GLRA2: variants seen among roughly 807,000 people sequenced by gnomAD.
GLRA2 encodes glycine receptor subunit alpha-2.
A neutral mutation model predicts 31.6 loss-of-function variants in GLRA2; 11 were observed. The observed-to-expected ratio is 0.35, with a 90% CI of 0.22 to 0.58. The LOEUF (loss-of-function observed/expected upper bound fraction) is 0.58, where lower values mean the gene tolerates loss of function less well. GLRA2 is among the 20% of genes least tolerant of loss of function. The pLI, the probability that GLRA2 is intolerant of heterozygous loss-of-function variation, is 0.84. For synonymous variants in GLRA2, 132 were observed against 134.0 expected (o/e 0.99, Z 0.10); for missense variants, 212 against 351.8 (o/e 0.60, Z 3.18).
At chrX:14,686,266 G>A (rs1038576834) in intron 7 of GLRA2, among the ~76,000 whole-genome samples, 8 of 111,786 alleles carry the variant, frequency 7.2e-5, no homozygotes, top group Non-Finnish European at 1.3e-4. Context: ...AGTGTGATGT[G>A]GTGCTGAGAA....
intron 4 of GLRA2, among the ~76,000 whole-genome samples, chrX:14,599,535 C>G (rs1601751376): frequency 8.9e-6 from 1 of 112,604 alleles, no homozygotes; most frequent in East Asian, 2.8e-4. Context: ...GGTGCAATTT[C>G]TGCATGTCTG....
chrX:14,507,316 C>T, the GLRA2 span, among the ~76,000 whole-genome samples: 1 of 112,210 alleles, frequency 8.9e-6, no homozygotes, highest in African/African-American at 3.2e-5. Flanking sequence ...TTGCAAATTA[C>T]CTAAACTCTC....
intron 4 of GLRA2, among the ~76,000 whole-genome samples, chrX:14,592,481 G>A (rs960096648): frequency 1.8e-5 from 2 of 110,357 alleles, no homozygotes; most frequent in African/African-American, 6.6e-5. Context: ...ACAAGCCTGA[G>A]CAACATGGCA....
At chrX:14,456,661 C>A in the GLRA2 span, among the ~76,000 whole-genome samples, 2 of 112,433 alleles carry the variant, frequency 1.8e-5, no homozygotes, top group Non-Finnish European at 3.8e-5. Flanking sequence ...CCTCCAGTTA[C>A]GTCCATGTTA....
chrX:14,576,123 A>C (rs1334626520), intron 3 of GLRA2, among the ~76,000 whole-genome samples: 1 of 110,460 alleles, frequency 9.1e-6, no homozygotes, highest in African/African-American at 3.3e-5. Context: ...GGCAACTAAC[A>C]TCATGTTTAA....
chrX:14,461,178 A>G, the GLRA2 span, among the ~76,000 whole-genome samples: 561 of 110,967 alleles, frequency 5.1e-3, 2 homozygotes, highest in Non-Finnish European at 9.2e-3. Flanking sequence ...TTTGAGTGAG[A>G]ATCCTCAGTT....
At chrX:14,688,602 G>A (rs1257143318) in intron 7 of GLRA2, among the ~76,000 whole-genome samples, 2 of 111,751 alleles carry the variant, frequency 1.8e-5, no homozygotes, top group Non-Finnish European at 3.8e-5. Flanking sequence ...CTCCGAGCCA[G>A]GCGCAGGATA....
rs1175913974 is a variant in GLRA2, at chrX:14,685,931, C to A, written c.931-4779C>A. On this transcript the variant is annotated intron_variant, in intron 7 of 8. Transcript: ENST00000218075. Reference sequence around the variant, plus strand: ...GGTTGTCAATTTTAGATCTTTCCTGCTTTCTCTTGTGGCATTTAGTGCTAT... The same window carrying A: ...GGTTGTCAATTTTAGATCTTTCCTGATTTCTCTTGTGGCATTTAGTGCTAT... 2.7e-5 allele frequency among the ~76,000 whole-genome samples: 3 copies of A among 112,094 alleles called. No individual in the cohort carries two copies. The East Asian group carries it at 8.4e-4, about 31-fold the overall frequency.
intron 3 of GLRA2, among the ~76,000 whole-genome samples, chrX:14,578,506 T>TGCTA (rs1360396755): frequency 8.9e-6 from 1 of 112,612 alleles, no homozygotes; most frequent in African/African-American, 3.2e-5. Flanking sequence ...TAGTGTTCAT[T>TGCTA]GCTAGTTGCC....
chrX:14,655,157 A>G (rs984407546), intron 7 of GLRA2, among the ~76,000 whole-genome samples: 1 of 111,720 alleles, frequency 9.0e-6, no homozygotes, highest in African/African-American at 3.3e-5. Context: ...GCCAGGTGTA[A>G]TATAGACACT....
At chrX:14,530,389 T>C (rs2089238555) in intron 1 of GLRA2, among the ~76,000 whole-genome samples, 1 of 111,797 alleles carries the variant, frequency 8.9e-6, no homozygotes, top group South Asian at 3.7e-4. Context: ...GTCTGATGAG[T>C]TGCATGCTCT....
chrX:14,625,185 T>C (rs914870356), intron 7 of GLRA2, among the ~76,000 whole-genome samples: 8 of 111,242 alleles, frequency 7.2e-5, no homozygotes, highest in Admixed American at 4.8e-4. Flanking sequence ...CTTTTTTTTG[T>C]TTTCCATTTG....
intron 7 of GLRA2, among the ~76,000 whole-genome samples, chrX:14,667,388 A>C (rs1373967412): frequency 2.7e-5 from 3 of 111,783 alleles, no homozygotes; most frequent in African/African-American, 9.7e-5. Context: ...CAGCTACTCA[A>C]CTCTACCATG....
the GLRA2 span, among the ~76,000 whole-genome samples, chrX:14,493,526 T>C: frequency 2.9e-5 from 3 of 104,043 alleles, no homozygotes; most frequent in South Asian, 7.9e-4. Context: ...TATACACACA[T>C]ATATACACAT....
At chrX:14,488,151 G>A in the GLRA2 span, among the ~76,000 whole-genome samples, 1 of 111,782 alleles carries the variant, frequency 8.9e-6, no homozygotes. Flanking sequence ...GCTGACATTG[G>A]AATTTCACCC....
chrX:14,575,636 A>C (rs1305522932), intron 3 of GLRA2, among the ~76,000 whole-genome samples: 3 of 109,682 alleles, frequency 2.7e-5, no homozygotes, highest in Non-Finnish European at 5.7e-5. Context: ...TAATTAAAAA[A>C]AAATTGTGGA....
the GLRA2 span, among the ~76,000 whole-genome samples, chrX:14,466,612 T>A: frequency 9.0e-6 from 1 of 111,500 alleles, no homozygotes; most frequent in Non-Finnish European, 1.9e-5. Context: ...TGTAATGAGC[T>A]GCTTGTGTAA....
the GLRA2 span, among the ~76,000 whole-genome samples, chrX:14,508,091 G>C: frequency 1.8e-5 from 2 of 111,584 alleles, no homozygotes; most frequent in Non-Finnish European, 3.8e-5. Flanking sequence ...TTACATTTGT[G>C]AAGGACCTCT....
At chrX:14,476,329 T>A in the GLRA2 span, among the ~76,000 whole-genome samples, 42 of 112,186 alleles carry the variant, frequency 3.7e-4, no homozygotes, top group African/African-American at 1.3e-3. Flanking sequence ...TCACTCAGAC[T>A]TAGCTTGCAT....
Sources: gnomAD v4.1 joint callset for allele counts (sites outside exome capture counted in the v4.1 genomes callset) on GRCh38, gnomAD v4.1.1 for gene constraint, MANE v1.5 for transcripts, NCBI Gene and HGNC (gene_info 2026-07-23, HGNC 2026-07-21) for gene names.